Variants in PCDHGB5 observed in about 807,000 individuals in gnomAD.
PCDHGB5 encodes the protein protocadherin gamma subfamily B, 5.
In PCDHGB5, 48 loss-of-function variants were observed where a neutral mutation model predicts 62.9. The ratio of observed to expected loss-of-function variants is 0.76; its 90% CI spans 0.61 to 0.97. The LOEUF is 0.97. Ranked by LOEUF, PCDHGB5 falls within the 50% of genes least tolerant of loss-of-function variation. The pLI is 0.00. For missense variants in PCDHGB5, 1,118 were observed against 1,198.6 expected, an observed-to-expected ratio of 0.93 and a Z score of 0.99; for synonymous variants, 474 against 511.2, an observed-to-expected ratio of 0.93 and a Z score of 0.98.
chr5:141,481,691 C>T (rs929210528), intron 1 of PCDHGB5, among the ~76,000 whole-genome samples: 7 of 152,080 alleles, frequency 4.6e-5, no homozygotes, highest in African/African-American at 1.4e-4. Flanking sequence ...TGGTGGCTCA[C>T]GCCTGTAATC....
rs1399367534 is a variant in PCDHGB5 at position 141,487,098 on chromosome 5, A to G, written c.2398-7709A>G. 6.2e-7 allele frequency: 1 copy of G among 1,613,778 alleles called. No homozygotes were observed. The highest frequency in any genetic ancestry group is 8.5e-7 in the Non-Finnish European group (1 of 1,179,788). On this transcript the variant is annotated intron_variant, in intron 1 of 3. Transcript: ENST00000617380. The surrounding 1 kb of genome is among the most constrained non-coding windows in gnomAD (Gnocchi z 5.0). ...ATCCCAGCTGACCTCCCACCACAGA[A>G]GCTGGTCATTGTGGTAAAGGATAGT...
Position 141,511,375 on chromosome 5 carries a change from A to G in PCDHGB5, c.*202A>G. 2 of 1,236,730 alleles carry G rather than the reference A, an allele frequency of 1.6e-6. No individual in the cohort carries two copies. The highest frequency in any genetic ancestry group is 2.2e-6 in the Non-Finnish European group (2 of 912,840). 76.6% of individuals were successfully genotyped at this position (1,236,730 alleles called of 1,614,324 possible). A position where few individuals can be genotyped will look rare whatever the true frequency, so the allele number is the denominator to read the frequency against. On this transcript the variant is annotated 3_prime_UTR_variant, in exon 4 of 4. Coordinates refer to ENST00000617380, the MANE Select transcript of PCDHGB5 (RefSeq NM_018925.3). ...CCCAGGGGGTTGAATATGCAAAAGCAGTTCCGCTGGGAACCCCCATCCAAT... is the reference window on the plus strand; with the variant it reads ...CCCAGGGGGTTGAATATGCAAAAGCGGTTCCGCTGGGAACCCCCATCCAAT...
Position 141,397,965 on chromosome 5 carries a change from C to A in PCDHGB5, c.-163C>A. On this transcript the variant is annotated 5_prime_UTR_variant, in exon 1 of 4. Transcript: ENST00000617380. ...TTCCAGGGCAGCCCCAGCTCAGACT[C>A]CCCAGCGCCGGCCTTTACACCGCTT... The A allele has an allele frequency of 9.3e-7, 1 of 1,077,484 alleles. No individual in the cohort carries two copies. 66.7% of individuals were successfully genotyped at this position (1,077,484 alleles called of 1,614,324 possible). A position where few individuals can be genotyped will look rare whatever the true frequency, so the allele number is the denominator to read the frequency against.
Position 141,432,110 on chromosome 5 carries a change from G to A in PCDHGB5, c.2397+31586G>A. On this transcript the variant is annotated intron_variant, in intron 1 of 3. Coordinates refer to ENST00000617380, the MANE Select transcript of PCDHGB5 (RefSeq NM_018925.3). This position sits in a 1 kb window ranked among gnomAD's most constrained non-coding sequence, Gnocchi z 6.0. ...GGCAGACACCAACGACAACCCGCCG[G>A]TCTTCCCTCAGGCCTCCTATTCCGC... 6.2e-7 allele frequency: 1 copy of A among 1,614,108 alleles called. No individual in the cohort carries two copies. Among genetic ancestry groups the A allele is most frequent in the Non-Finnish European group, 8.5e-7 (1 of 1,180,036 alleles).
chr5:141,505,026 G>T (rs190826538), intron 2 of PCDHGB5, among the ~76,000 whole-genome samples: 1 of 152,198 alleles, frequency 6.6e-6, no homozygotes, highest in South Asian at 2.1e-4. Context: ...GCCTGGCACA[G>T]TGGCAGGTGC....
At chr5:141,500,145 T>C (rs2099796736) in intron 2 of PCDHGB5, among the ~76,000 whole-genome samples, 2 of 151,992 alleles carry the variant, frequency 1.3e-5, no homozygotes, top group East Asian at 3.9e-4. Context: ...TAAACTTTTC[T>C]TTGTGTAATC....
rs369747431 is a variant in PCDHGB5, at chr5:141,399,817, G to T, written c.1690G>T (p.Gly564Cys). 6.2e-7 allele frequency: 1 copy of T among 1,613,224 alleles called. No homozygotes were observed. Among genetic ancestry groups the T allele is most frequent in the South Asian group, 1.1e-5 (1 of 91,062 alleles). Residue 564 changes from glycine to cysteine, a missense_variant, in exon 1 of 4, where the codon GGT becomes TGT. Around this residue, in one of 2 missense-constraint regions of PCDHGB5, gnomAD observed 1,034 missense variants for 1,029.1 expected, o/e 1.00. Transcript: ENST00000617380. The stretch of plus-strand genomic sequence containing the variant: ...ACCGCGGGTGCTGTACCCCGCGCTG[G>T]GTCCCGACGGCTCTGCGCTCTTCGA... ...NAPRVLYPAL[G>C]PDGSALFDMV... is the part of the protein sequence containing the mutation.
chr5:141,415,514 C>G, intron 1 of PCDHGB5: 2 of 1,614,178 alleles, frequency 1.2e-6, no homozygotes, highest in Non-Finnish European at 8.5e-7. Flanking sequence ...CCCAATTATG[C>G]GGACACGCTC....
intron 1 of PCDHGB5, chr5:141,421,696 A>G: frequency 6.2e-7 from 1 of 1,613,886 alleles, no homozygotes; most frequent in Non-Finnish European, 8.5e-7. Context: ...TGCTCTTCCT[A>G]ATGCTAGGGA....
chr5:141,491,381 C>A lies in PCDHGB5; in HGVS notation c.2398-3426C>A. On this transcript the variant is annotated intron_variant, in intron 1 of 3. Transcript: ENST00000617380. This position sits in a 1 kb window ranked among gnomAD's most constrained non-coding sequence, Gnocchi z 6.9. ...CTAGTCACCTTCACCTTTCTGTCAGCGAAGTGCCTTCAGGGAAACGCAGAC... is the reference window on the plus strand; with the variant it reads ...CTAGTCACCTTCACCTTTCTGTCAGAGAAGTGCCTTCAGGGAAACGCAGAC... 2 of 1,614,068 alleles carry A rather than the reference C, an allele frequency of 1.2e-6. No homozygotes were observed. The highest frequency in any genetic ancestry group is 1.7e-6 in the Non-Finnish European group (2 of 1,179,950).
intron 1 of PCDHGB5, among the ~76,000 whole-genome samples, chr5:141,488,697 A>T (rs1337725245): frequency 6.6e-6 from 1 of 152,162 alleles, no homozygotes; most frequent in Non-Finnish European, 1.5e-5. Context: ...GAAGGACAAG[A>T]TTTTGCTGGT....
At chr5:141,439,445 G>A (rs1030957687) in intron 1 of PCDHGB5, among the ~76,000 whole-genome samples, 5 of 152,102 alleles carry the variant, frequency 3.3e-5, no homozygotes, top group African/African-American at 4.8e-5. Flanking sequence ...ATTTTATTGC[G>A]GGAGCAAGAC....
Position 141,486,534 on chromosome 5 carries a change from C to G in PCDHGB5, c.2398-8273C>G. The stretch of plus-strand genomic sequence containing the variant: ...TCAGATGTGAATGATAATCCACCCT[C>G]TTTCTTTCAGAGGTCACATGAGGTG... On this transcript the variant is annotated intron_variant, in intron 1 of 3. Transcript: ENST00000617380. The surrounding 1 kb of genome is among the most constrained non-coding windows in gnomAD (Gnocchi z 5.0). 1 of 1,614,176 alleles carries G rather than the reference C, an allele frequency of 6.2e-7. No individual in the cohort carries two copies. Among genetic ancestry groups the G allele is most frequent in the Non-Finnish European group, 8.5e-7 (1 of 1,180,030 alleles).
chr5:141,477,189 A>G lies in PCDHGB5; in HGVS notation c.2398-17618A>G, dbSNP rs377372902. ...CCGGAGATCACAGTCACCTCCGTGT[A>G]CAGCCCAGTACCCGAGGATGCCCCT... On this transcript the variant is annotated intron_variant, in intron 1 of 3. Coordinates refer to ENST00000617380, the MANE Select transcript of PCDHGB5 (RefSeq NM_018925.3). The surrounding 1 kb of genome is among the most constrained non-coding windows in gnomAD (Gnocchi z 4.9). 6.2e-7 allele frequency: 1 copy of G among 1,614,070 alleles called. No homozygotes were observed. The highest frequency in any genetic ancestry group is 8.5e-7 in the Non-Finnish European group (1 of 1,180,040).
rs2096315825 is a variant in PCDHGB5 at position 141,419,028 on chromosome 5, T to C, written c.2397+18504T>C. On this transcript the variant is annotated intron_variant, in intron 1 of 3. Coordinates refer to ENST00000617380, the MANE Select transcript of PCDHGB5 (RefSeq NM_018925.3). ...GTCAGGTGTAGCTTAAGTAGAGGTG[T>C]TCCATTTAAGATTCATTCTTCTTCT... 5.0e-6 allele frequency: 8 copies of C among 1,613,638 alleles called. No individual in the cohort carries two copies. The South Asian group carries it at 8.8e-5, about 18-fold the overall frequency.
intron 1 of PCDHGB5, chr5:141,418,451 A>AG (rs2096259161): frequency 3.1e-6 from 5 of 1,614,046 alleles, no homozygotes; most frequent in Non-Finnish European, 4.2e-6. Context: ...AGTATTGCAG[A>AG]AGACTCTGGA....
At position 141,398,576 on chromosome 5, in the gene PCDHGB5, C is replaced by T. The variant is rs1257000620; in HGVS notation, c.449C>T (p.Thr150Ile). The change falls in exon 1 of 4, where the codon ACA (threonine) becomes ATA (isoleucine). Residue 150 changes from threonine (T) to isoleucine (I), a missense_variant. Transcript: ENST00000617380. ...ATAAGTGAGTCTGCACAGCCTGGCA[C>T]AAGATTTATACTAGAAGTAGCAGAA... ...LQISESAQPG[T>I]RFILEVAEDA... is the part of the protein sequence containing the mutation. The T allele has an allele frequency of 2.5e-6, 4 of 1,613,968 alleles. No homozygotes were observed. Among genetic ancestry groups the T allele is most frequent in the Non-Finnish European group, 1.7e-6 (2 of 1,179,892 alleles).
At chr5:141,415,314 C>A (rs375384840) in intron 1 of PCDHGB5, 1 of 1,614,238 alleles carries the variant, frequency 6.2e-7, no homozygotes, top group Non-Finnish European at 8.5e-7. Context: ...CCTTCGTCAT[C>A]GTGCTGCTGG....
Position 141,491,730 on chromosome 5 carries a change from C to G in PCDHGB5, c.2398-3077C>G, listed in dbSNP as rs1346666614. 1 of 1,603,920 alleles carries G rather than the reference C, an allele frequency of 6.2e-7. No homozygotes were observed. Among genetic ancestry groups the G allele is most frequent in the Non-Finnish European group, 8.5e-7 (1 of 1,175,836 alleles). ...GGGGCTCGGCGCCGCCCCGGGCGAC[C>G]CCTGGGGGCGGCACTGGAGAAGCCG... On this transcript the variant is annotated intron_variant, in intron 1 of 3. Coordinates refer to ENST00000617380, the MANE Select transcript of PCDHGB5 (RefSeq NM_018925.3). The surrounding 1 kb of genome is among the most constrained non-coding windows in gnomAD (Gnocchi z 6.9).
Sources: allele counts gnomAD v4.1 joint callset (sites outside exome capture counted in the v4.1 genomes callset), GRCh38; gene constraint gnomAD v4.1.1; regional missense constraint gnomAD v4.1.1; non-coding constraint Gnocchi (gnomAD v3.1); transcripts MANE v1.5; gene names NCBI Gene and HGNC (gene_info 2026-07-23, HGNC 2026-07-21).